The following BCL2L11 variants were observed in gnomAD, a reference collection of about 807,000 sequenced individuals.
The protein encoded by BCL2L11 is bcl-2-like protein 11.
A neutral mutation model predicts 20.6 loss-of-function variants in BCL2L11; 15 were observed. The observed-to-expected ratio is 0.73, with a 90% CI of 0.49 to 1.12. The LOEUF (loss-of-function observed/expected upper bound fraction) is 1.12. BCL2L11 is among the 50% of genes most tolerant of loss of function. The pLI is 0.00. For missense variants in BCL2L11, 292 were observed against 260.9 expected (o/e 1.12, Z -0.82); for synonymous variants, 108 against 92.8 (o/e 1.16, Z -0.94).
intron 3 of BCL2L11, among the ~76,000 whole-genome samples, chr2:111,157,942 C>G (rs1416013232): frequency 1.3e-5 from 2 of 152,140 alleles, no homozygotes; most frequent in Non-Finnish European, 2.9e-5. Context: ...TGCCCTTTCC[C>G]CAGCTGTGGT....
chr2:111,132,781 C>T (rs1021697681), intron 2 of BCL2L11, among the ~76,000 whole-genome samples: 4 of 152,166 alleles, frequency 2.6e-5, no homozygotes, highest in African/African-American at 7.2e-5. Flanking sequence ...CTGGGCCTGT[C>T]GGAAAATGAC....
intron 1 of BCL2L11, chr2:111,123,179 G>C (rs2071578096): frequency 5.1e-6 from 5 of 985,468 alleles, no homozygotes; most frequent in Non-Finnish European, 6.0e-6. Flanking sequence ...CGCCAGAGCC[G>C]GGCCGAGCCG....
At chr2:111,122,161 G>A (rs564727116) in intron 1 of BCL2L11, among the ~76,000 whole-genome samples, 2 of 152,340 alleles carry the variant, frequency 1.3e-5, no homozygotes, top group African/African-American at 4.8e-5. Flanking sequence ...GAAGTTGTTG[G>A]AGGAGAATAG....
In BCL2L11 at chr2:111,164,314, C is replaced by T; in HGVS notation, c.*83C>T. On this transcript the variant is annotated 3_prime_UTR_variant, in exon 4 of 4. Coordinates refer to ENST00000393256, the MANE Select transcript of BCL2L11 (RefSeq NM_138621.5). ...GACCCAGCACCGCGGTCTCCTGGTG[C>T]CATTATTATGCAGCCAGCGGTTCTC... The T allele has an allele frequency of 9.7e-7, 1 of 1,027,874 alleles. No homozygotes were observed. The highest frequency in any genetic ancestry group is 1.5e-6 in the Non-Finnish European group (1 of 648,568). 63.7% of individuals were successfully genotyped at this position (1,027,874 alleles called of 1,614,324 possible).
In BCL2L11 at chr2:111,167,305, G is replaced by C. The variant is rs753525241; in HGVS notation, c.*3074G>C. 2.0e-5 allele frequency: 3 copies of C among 152,108 alleles called. No homozygotes were observed. The highest frequency in any genetic ancestry group is 2.9e-5 in the Non-Finnish European group (2 of 68,038). The allele number at this position is 152,108 out of a possible 1,614,324, so 9.4% of individuals were successfully genotyped here. On this transcript the variant is annotated 3_prime_UTR_variant, in exon 4 of 4. Transcript: ENST00000393256. ...TGGGTTTCAATTCTTGGGCTTTGCC[G>C]CCCTTATGATGAAGTGTGTGTTTGA...
intron 2 of BCL2L11, chr2:111,131,984 G>T (rs550991859): frequency 6.6e-6 from 1 of 152,138 alleles, no homozygotes; most frequent in Non-Finnish European, 1.5e-5. Flanking sequence ...CAAAACCAGG[G>T]TTAATCAGAA....
chr2:111,128,830 T>C (rs781766591), intron 2 of BCL2L11: 42 of 1,453,430 alleles, frequency 2.9e-5, no homozygotes, highest in Non-Finnish European at 3.5e-5. Flanking sequence ...TTAAATAAAA[T>C]GTATTTTAAT....
intron 2 of BCL2L11, among the ~76,000 whole-genome samples, chr2:111,128,051 T>A (rs1170023362): frequency 7.9e-5 from 12 of 152,070 alleles, no homozygotes; most frequent in Admixed American, 7.2e-4. Flanking sequence ...CTCCAGAACT[T>A]CTTCACCTTG....
chr2:111,149,941 AAG>A (rs2077044666), intron 2 of BCL2L11, 101 bp from the exon 3 acceptor site: 1 of 908,824 alleles, frequency 1.1e-6, no homozygotes, highest in Non-Finnish European at 1.6e-6. Flanking sequence ...AGAAATGTGA[AAG>A]AGTGTGTGAG....
intron 2 of BCL2L11, among the ~76,000 whole-genome samples, chr2:111,140,487 A>C (rs1301797644): frequency 3.3e-5 from 5 of 152,178 alleles, no homozygotes; most frequent in African/African-American, 1.2e-4. Context: ...AAGGCAGCTT[A>C]AGTGGATGGA....
chr2:111,147,390 A>ACCC (rs1553500143), intron 2 of BCL2L11, among the ~76,000 whole-genome samples: 4 of 138,256 alleles, frequency 2.9e-5, no homozygotes, highest in African/African-American at 1.1e-4. Flanking sequence ...ACACACACAC[A>ACCC]CCCGCCATTT....
At chr2:111,160,196 C>G (rs1193502327) in intron 3 of BCL2L11, among the ~76,000 whole-genome samples, 2 of 152,236 alleles carry the variant, frequency 1.3e-5, no homozygotes, top group Non-Finnish European at 2.9e-5. Flanking sequence ...AAGAAATTCT[C>G]CTCTTCCTTT....
At chr2:111,163,306 A>G (rs1390160601) in intron 3 of BCL2L11, 1 of 152,312 alleles carries the variant, frequency 6.6e-6, no homozygotes, top group Admixed American at 6.5e-5. Context: ...AGACTTGAAC[A>G]GTGAACCAGG....
At chr2:111,150,846 A>G (rs2077162451) in intron 3 of BCL2L11, among the ~76,000 whole-genome samples, 3 of 152,202 alleles carry the variant, frequency 2.0e-5, no homozygotes. Context: ...GGGGCAATGT[A>G]GGTGACCATT....
At chr2:111,153,072 T>G (rs1422715913) in intron 3 of BCL2L11, among the ~76,000 whole-genome samples, 10 of 152,124 alleles carry the variant, frequency 6.6e-5, no homozygotes, top group Non-Finnish European at 8.8e-5. Context: ...TATATTCAGA[T>G]TTTATAAATA....
intron 1 of BCL2L11, 119 bp from the exon 2 acceptor site, chr2:111,123,614 T>C: frequency 2.5e-6 from 3 of 1,220,212 alleles, no homozygotes; most frequent in Non-Finnish European, 3.1e-6. Flanking sequence ...CAGAAAAGTA[T>C]AGAACAAAGT....
rs137973786 is a variant in BCL2L11 at position 111,126,841 on chromosome 2, G to A, written c.394+2702G>A. Among the ~76,000 whole-genome samples the A allele has an allele frequency of 5.1e-3, 770 of 152,284 alleles. 2 individuals carry two copies. The highest frequency in any genetic ancestry group is 0.017 in the Middle Eastern group (5 of 294). ...CAAATGTGAGGTTATAAAGAGGTTCGCCTTAGCCAGGGGCTCCTTTAGCTG... is the reference window on the plus strand; with the variant it reads ...CAAATGTGAGGTTATAAAGAGGTTCACCTTAGCCAGGGGCTCCTTTAGCTG... On this transcript the variant is annotated intron_variant, in intron 2 of 3. Transcript: ENST00000393256.
chr2:111,155,278 G>T (rs1196150421), intron 3 of BCL2L11, among the ~76,000 whole-genome samples: 3 of 152,214 alleles, frequency 2.0e-5, no homozygotes, highest in Non-Finnish European at 4.4e-5. Context: ...TCTCTTCCTG[G>T]TGAGTGTGTC....
In BCL2L11 at chr2:111,150,161, CTT is replaced by C. The variant is rs1387251183; in HGVS notation, c.498+16_498+17del. 2.5e-6 allele frequency: 4 copies of C among 1,611,906 alleles called. No homozygotes were observed. The African/African-American group carries it at 5.3e-5, about 22-fold the overall frequency. ...TATGCAAGGAGGGTAATGATGTTTT[CTT>C]TACCCGCTTTTCTGCTCACACCCTC... On this transcript the variant is annotated intron_variant, in intron 3 of 3. Coordinates refer to ENST00000393256, the MANE Select transcript of BCL2L11 (RefSeq NM_138621.5).
Sources: allele counts gnomAD v4.1 joint callset (sites outside exome capture counted in the v4.1 genomes callset), GRCh38; gene constraint gnomAD v4.1.1; transcripts MANE v1.5; gene names NCBI Gene and HGNC (gene_info 2026-07-23, HGNC 2026-07-21).